KCTD13: variants seen among roughly 807,000 people sequenced by gnomAD.
KCTD13 encodes the protein BTB/POZ domain-containing adapter for CUL3-mediated RhoA degradation protein 1.
Under a neutral mutation model 32.3 loss-of-function variants are expected in KCTD13, and 15 were observed. The ratio of observed to expected loss-of-function variants is 0.46; its 90% CI spans 0.31 to 0.71. The LOEUF is 0.71. Among genes scored for constraint, KCTD13 ranks in the 30% least tolerant of loss-of-function variants. The probability of loss-of-function intolerance (pLI) is 0.05; values close to 1 mark genes in which losing one functional copy is unlikely to be tolerated. For missense variants in KCTD13, 337 were observed against 452.6 expected, an observed-to-expected ratio of 0.74 and a Z score of 2.32; for synonymous variants, 189 against 200.1, an observed-to-expected ratio of 0.94 and a Z score of 0.47.
At chr16:29,915,450 G>C (rs1267539556) in intron 2 of KCTD13, 1 of 152,062 alleles carries the variant, frequency 6.6e-6, no homozygotes, top group African/African-American at 2.4e-5. Flanking sequence ...TCAGGAGTTT[G>C]AGACTAGCCT....
intron 2 of KCTD13, chr16:29,912,384 C>A (rs1384954303): frequency 1.4e-5 from 6 of 413,914 alleles, no homozygotes; most frequent in Non-Finnish European, 2.2e-5. Context: ...AGGGCCAGCC[C>A]TCCCCAGCCC....
rs528839937 is a variant in KCTD13 at position 29,922,083 on chromosome 16, C to T, written c.414+1107G>A. 2.0e-5 allele frequency: 3 copies of T among 152,038 alleles called. No homozygotes were observed. In the South Asian group the frequency reaches 6.2e-4, roughly 32 times the overall value. The allele number at this position is 152,038 out of a possible 1,614,324, so 9.4% of individuals were successfully genotyped here. A position where few individuals can be genotyped will look rare whatever the true frequency, so the allele number is the denominator to read the frequency against. The stretch of plus-strand genomic sequence containing the variant: ...TGGGTCATGAAATAAGTAATGGGTC[C>T]CAAACAGCATTAAAAAGAAAGATTA... On this transcript the variant is annotated intron_variant, in intron 2 of 5. Coordinates refer to ENST00000568000, the MANE Select transcript of KCTD13 (RefSeq NM_178863.5).
chr16:29,926,104 G>A lies in KCTD13; in HGVS notation c.-71C>T. 9 of 1,425,920 alleles carry A rather than the reference G, an allele frequency of 6.3e-6. No homozygotes were observed. The highest frequency in any genetic ancestry group is 8.2e-6 in the Non-Finnish European group (9 of 1,097,186). The allele number at this position is 1,425,920 out of a possible 1,614,324, so 88.3% of individuals were successfully genotyped here. A position where few individuals can be genotyped will look rare whatever the true frequency, so the allele number is the denominator to read the frequency against. On this transcript the variant is annotated 5_prime_UTR_variant, in exon 1 of 6. Coordinates refer to ENST00000568000, the MANE Select transcript of KCTD13 (RefSeq NM_178863.5). ...CTGCGGCCTGCTCCCGAAGACCCTC[G>A]GCCGGCCCCCAGCCCTTGGGCCAGA...
At chr16:29,918,503 C>T (rs1040749848) in intron 2 of KCTD13, among the ~76,000 whole-genome samples, 1 of 152,062 alleles carries the variant, frequency 6.6e-6, no homozygotes, top group East Asian at 1.9e-4. Flanking sequence ...CAGAGTCTTG[C>T]TCTGTTGACC....
In KCTD13 at chr16:29,912,351, C is replaced by T. The variant is rs148959346; in HGVS notation, c.415-302G>A. 952 of 481,992 alleles carry T rather than the reference C, an allele frequency of 2.0e-3. 8 individuals carry two copies. The highest frequency in any genetic ancestry group is 0.018 in the African/African-American group (863 of 49,202). 29.9% of individuals were successfully genotyped at this position (481,992 alleles called of 1,614,324 possible). On this transcript the variant is annotated intron_variant, in intron 2 of 5. Coordinates refer to ENST00000568000, the MANE Select transcript of KCTD13 (RefSeq NM_178863.5). ...GGCGTGTCCGTCATGCCATTCAGAT[C>T]GCAGGTCACACAGTGCCTCCTCAGG...
intron 1 of KCTD13, 59 bp from the exon 2 acceptor site, chr16:29,923,418 T>C: frequency 1.3e-6 from 2 of 1,482,166 alleles, no homozygotes; most frequent in Non-Finnish European, 1.8e-6. Context: ...CTGGAGCTAC[T>C]AAATTAAAAA....
chr16:29,923,279 C>T lies in KCTD13; in HGVS notation c.325G>A (p.Glu109Lys), dbSNP rs1256560573. The change falls in exon 2 of 6, where the codon GAG (glutamate) becomes AAG (lysine). Residue 109 changes from glutamate to lysine, a missense_variant. Around this residue, in one of 3 missense-constraint regions of KCTD13, gnomAD observed 252 missense variants for 340.2 expected, o/e 0.74. Coordinates refer to ENST00000568000, the MANE Select transcript of KCTD13 (RefSeq NM_178863.5). ...YLRDGSVPLP[E>K]STRELGELLG... ...AGCTCCCCCAGTTCTCTCGTACTCTCCGGCAGTGGCACAGACCCATCCCGC... is the reference window on the plus strand; with the variant it reads ...AGCTCCCCCAGTTCTCTCGTACTCTTCGGCAGTGGCACAGACCCATCCCGC... The T allele has an allele frequency of 6.2e-7, 1 of 1,614,206 alleles. No homozygotes were observed. Among genetic ancestry groups the T allele is most frequent in the Non-Finnish European group, 8.5e-7 (1 of 1,180,042 alleles).
intron 5 of KCTD13, among the ~76,000 whole-genome samples, chr16:29,910,071 T>C (rs1249939468): frequency 1.4e-5 from 2 of 146,494 alleles, no homozygotes; most frequent in Non-Finnish European, 3.0e-5. Context: ...GCACTGCAGC[T>C]TGGGCAACAG....
chr16:29,912,668 G>T (rs1422784617), intron 2 of KCTD13, among the ~76,000 whole-genome samples: 3 of 152,304 alleles, frequency 2.0e-5, no homozygotes, highest in African/African-American at 7.2e-5. Context: ...ATGAACTCCC[G>T]AACTCAGGTG....
chr16:29,925,462 C>A, intron 1 of KCTD13: 1 of 388,480 alleles, frequency 2.6e-6, no homozygotes, highest in Non-Finnish European at 4.8e-6. Flanking sequence ...AGGGCTAGTT[C>A]CCAAGTCTTG....
At chr16:29,915,061 A>G (rs1272159529) in intron 2 of KCTD13, 2 of 151,878 alleles carry the variant, frequency 1.3e-5, no homozygotes, top group Admixed American at 6.6e-5. Context: ...TCTGTAATCC[A>G]GTTGGAGAAA....
At chr16:29,909,624 T>A (rs1049302734) in intron 5 of KCTD13, among the ~76,000 whole-genome samples, 1 of 152,058 alleles carries the variant, frequency 6.6e-6, no homozygotes, top group Non-Finnish European at 1.5e-5. Flanking sequence ...GAGGATGTTC[T>A]AAGAGACATC....
In KCTD13 at chr16:29,912,108, T is replaced by C. The variant is rs952687516; in HGVS notation, c.415-59A>G. On this transcript the variant is annotated intron_variant, in intron 2 of 5. Transcript: ENST00000568000. ...ACCAAAGGCCACGTACTCCCCCACT[T>C]AAAAGCCTTCAAAAGCTGGTTGGGA... The C allele has an allele frequency of 2.5e-6, 3 of 1,200,694 alleles. No homozygotes were observed. The African/African-American group carries it at 4.6e-5, about 18-fold the overall frequency. The allele number at this position is 1,200,694 out of a possible 1,614,324, so 74.4% of individuals were successfully genotyped here.
rs200337695 is a variant in KCTD13 at position 29,912,058 on chromosome 16, G to A, written c.415-9C>T. 1.1e-5 allele frequency: 17 copies of A among 1,585,634 alleles called. No individual in the cohort carries two copies. Among genetic ancestry groups the A allele is most frequent in the Non-Finnish European group, 1.5e-5 (17 of 1,163,418 alleles). On this transcript the variant is annotated splice_polypyrimidine_tract_variant and intron_variant, in intron 2 of 5. Coordinates refer to ENST00000568000, the MANE Select transcript of KCTD13 (RefSeq NM_178863.5). ...AGCGTCTCCCTTTTTTGCTGGGGAA[G>A]AAGCGGAAGGTGGTTAACAGCACAA...
At position 29,923,375 on chromosome 16, in the gene KCTD13, G is replaced by A; in HGVS notation, c.245-16C>T. On this transcript the variant is annotated splice_polypyrimidine_tract_variant and intron_variant, in intron 1 of 5. Coordinates refer to ENST00000568000, the MANE Select transcript of KCTD13 (RefSeq NM_178863.5). ...AGCACCCAACCTAGTGGGGTGGGGAGAGGCAGGGGGAAAGATGGCTTTGCT... is the reference window on the plus strand; with the variant it reads ...AGCACCCAACCTAGTGGGGTGGGGAAAGGCAGGGGGAAAGATGGCTTTGCT... 1.2e-6 allele frequency: 2 copies of A among 1,608,740 alleles called. No homozygotes were observed. Among genetic ancestry groups the A allele is most frequent in the Non-Finnish European group, 1.7e-6 (2 of 1,176,882 alleles).
intron 2 of KCTD13, chr16:29,920,282 C>G (rs1221849827): frequency 6.6e-6 from 1 of 152,110 alleles, no homozygotes; most frequent in Non-Finnish European, 1.5e-5. Flanking sequence ...TAAGATCGCG[C>G]CACTGCACTC....
At position 29,911,829 on chromosome 16, in the gene KCTD13, CTTG is replaced by C. The variant is rs771928097; in HGVS notation, c.540_542del (p.Asn180del). On this transcript the variant is annotated inframe_deletion, in exon 4 of 6. Transcript: ENST00000568000. ...CCGGCGGTCACCTGGTGTAGGAGTA[CTTG>C]TTGTTACTGCGGTTGTGCAGGAGCT... The C allele has an allele frequency of 1.2e-6, 2 of 1,612,566 alleles. No individual in the cohort carries two copies. Among genetic ancestry groups the C allele is most frequent in the African/African-American group, 1.3e-5 (1 of 74,892 alleles).
At chr16:29,919,784 GA>G (rs2150842892) in intron 2 of KCTD13, 1 of 152,172 alleles carries the variant, frequency 6.6e-6, no homozygotes, top group African/African-American at 2.4e-5. Context: ...AAACGACCTG[GA>G]AGAATATTTG....
intron 1 of KCTD13, among the ~76,000 whole-genome samples, chr16:29,924,678 A>G (rs1347079116): frequency 6.6e-6 from 1 of 150,856 alleles, no homozygotes; most frequent in Admixed American, 6.6e-5. Flanking sequence ...TCCAGCACTA[A>G]CTGATATTTT....
Sources: gnomAD v4.1 joint callset for allele counts (sites outside exome capture counted in the v4.1 genomes callset) on GRCh38, gnomAD v4.1.1 for gene constraint, gnomAD v4.1.1 regional missense constraint, MANE v1.5 for transcripts, NCBI Gene and HGNC (gene_info 2026-07-23, HGNC 2026-07-21) for gene names.